The following SPEG variants were observed in gnomAD, a reference collection of about 807,000 sequenced individuals.
The protein encoded by SPEG is striated muscle preferentially expressed protein kinase.
A neutral mutation model predicts 300.4 loss-of-function variants in SPEG; 114 were observed. That is an observed-to-expected ratio of 0.38 (90% confidence interval 0.33 to 0.44). The LOEUF is 0.44. SPEG is among the 20% of genes least tolerant of loss of function. SPEG has a pLI of 1.00. For missense variants in SPEG, 4,201 were observed against 4,586.2 expected (o/e 0.92, Z 2.43); for synonymous variants, 1,964 against 2,018.9 (o/e 0.97, Z 0.73).
At chr2:219,472,744 A>C in intron 15 of SPEG, 146 bp from the exon 16 acceptor site, 2 of 651,006 alleles carry the variant, frequency 3.1e-6, no homozygotes, top group Non-Finnish European at 5.2e-6. Context: ...GCAAGAGCAG[A>C]TGGGGGGACA....
At position 219,467,415 on chromosome 2, in the gene SPEG, C is replaced by T; in HGVS notation, c.3123C>T (p.Cys1041=). The T allele has an allele frequency of 6.2e-7, 1 of 1,607,616 alleles. No individual in the cohort carries two copies. Among genetic ancestry groups the T allele is most frequent in the East Asian group, 2.2e-5 (1 of 44,788 alleles). ...AGGACGACAGTGGCGTCTACACCTG[C>T]AAGCTCAGCACGGCCAAAGGTAACT... ...VHEDDSGVYT[C]KLSTAKDELT... The change falls in exon 10 of 41, where the codon TGC becomes TGT. Residue 1041 remains cysteine, a synonymous_variant. Coordinates refer to ENST00000312358, the MANE Select transcript of SPEG (RefSeq NM_005876.5).
intron 6 of SPEG, chr2:219,461,612 C>A: frequency 9.6e-7 from 1 of 1,043,548 alleles, no homozygotes; most frequent in Non-Finnish European, 1.3e-6. Context: ...CTCTGCTGCC[C>A]GAACCCTTTG....
chr2:219,468,516 T>A lies in SPEG; in HGVS notation c.3143-62T>A, dbSNP rs1691582238. On this transcript the variant is annotated intron_variant, in intron 10 of 40. Transcript: ENST00000312358. ...CTGCTCAGCCTTAGGTCAGGAGTGG[T>A]GGGTTGGGATGCCTGGGCCTCCTTA... 1.9e-6 allele frequency: 3 copies of A among 1,563,536 alleles called. No homozygotes were observed. The East Asian group carries it at 6.7e-5, about 35-fold the overall frequency.
rs752545156 is a variant in SPEG at position 219,448,348 on chromosome 2, G to A, written c.1190G>A (p.Gly397Asp). 7 of 1,588,986 alleles carry A rather than the reference G, an allele frequency of 4.4e-6. No homozygotes were observed. In the South Asian group the frequency reaches 6.8e-5, roughly 15 times the overall value. ...CGATCGCCTAGGCTGGTGCGCGCCG[G>A]CTCCCGCATCCTGGACAAGCTGCAG... is the stretch of plus-strand genomic sequence containing the variant. ...LGRSPRLVRA[G>D]SRILDKLQFF... The change falls in exon 4 of 41, where the codon GGC becomes GAC. Residue 397 changes from glycine to aspartate, a missense_variant. Physicochemically the swap from Gly to Asp is moderately conservative, Grantham distance 94. Transcript: ENST00000312358.
chr2:219,467,113 G>T, intron 9 of SPEG, 61 bp from the exon 10 acceptor site: 1 of 1,504,416 alleles, frequency 6.6e-7, no homozygotes. Flanking sequence ...GCGTATGTGT[G>T]TCTCCCTCAC....
At chr2:219,441,206 AAC>A (rs1426954005) in intron 1 of SPEG, among the ~76,000 whole-genome samples, 1 of 152,174 alleles carries the variant, frequency 6.6e-6, no homozygotes, top group East Asian at 1.9e-4. Flanking sequence ...GATCGGGTGG[AAC>A]ACACAAAATA....
rs1398578505 is a variant in SPEG, at chr2:219,458,877, G to A, written c.2441-3005G>A. ...TCTATATTTTAAATAAGCCCGAGGT[G>A]GTCCTGATGTGAGTAGGTCAAGTAA... On this transcript the variant is annotated intron_variant, in intron 6 of 40. Coordinates refer to ENST00000312358, the MANE Select transcript of SPEG (RefSeq NM_005876.5). The surrounding 1 kb of genome is among the most constrained non-coding windows in gnomAD (Gnocchi z 4.2). Among the ~76,000 whole-genome samples, 1 of 152,198 alleles carries A rather than the reference G, an allele frequency of 6.6e-6. No individual in the cohort carries two copies. Among genetic ancestry groups the A allele is most frequent in the East Asian group, 1.9e-4 (1 of 5,202 alleles).
In SPEG at chr2:219,493,091, G is replaced by A. The variant is rs2125612647; in HGVS notation, c.*305G>A. On this transcript the variant is annotated 3_prime_UTR_variant, in exon 41 of 41. Coordinates refer to ENST00000312358, the MANE Select transcript of SPEG (RefSeq NM_005876.5). ...AAAAGGAATCGAGGGACAGGAAGGG[G>A]GAGGCTCTAGGAAGGTTCTGGGTTG... is the stretch of plus-strand genomic sequence containing the variant. 3 of 622,682 alleles carry A rather than the reference G, an allele frequency of 4.8e-6. No individual in the cohort carries two copies. The highest frequency in any genetic ancestry group is 6.0e-6 in the Non-Finnish European group (2 of 335,506). The allele number at this position is 622,682 out of a possible 1,614,324, so 38.6% of individuals were successfully genotyped here. A position where few individuals can be genotyped will look rare whatever the true frequency, so the allele number is the denominator to read the frequency against.
chr2:219,484,605 C>A lies in SPEG; in HGVS notation c.7142C>A (p.Pro2381Gln), dbSNP rs868323486. 1 of 1,561,604 alleles carries A rather than the reference C, an allele frequency of 6.4e-7. No homozygotes were observed. Among genetic ancestry groups the A allele is most frequent in the East Asian group, 2.4e-5 (1 of 42,066 alleles). ...TACCGGCCCAGCCCGGCGGGGACCC[C>A]GCTGGAGCTGGTGCGACGGCCTGAG... Reference protein sequence around the residue: ...GIYRPSPAGTPLELVRRPERS... With the variant: ...GIYRPSPAGTQLELVRRPERS... Residue 2381 changes from proline (P) to glutamine (Q), a missense_variant, in exon 30 of 41, where the codon CCG (proline) becomes CAG (glutamine). Pro to Gln is a moderately conservative substitution (Grantham distance 76). Around this residue, in one of 4 missense-constraint regions of SPEG, gnomAD observed 1,578 missense variants for 1,506.0 expected, o/e 1.05. Coordinates refer to ENST00000312358, the MANE Select transcript of SPEG (RefSeq NM_005876.5).
At chr2:219,437,952 T>C (rs1288714988) in intron 1 of SPEG, among the ~76,000 whole-genome samples, 5 of 152,162 alleles carry the variant, frequency 3.3e-5, no homozygotes, top group Non-Finnish European at 7.4e-5. Flanking sequence ...CGGAAGGACA[T>C]GCTTTCCTGG....
Position 219,484,547 on chromosome 2 carries a change from C to A in SPEG, c.7084C>A (p.Pro2362Thr). 1 of 1,592,866 alleles carries A rather than the reference C, an allele frequency of 6.3e-7. No homozygotes were observed. The highest frequency in any genetic ancestry group is 1.1e-5 in the South Asian group (1 of 89,666). Residue 2362 changes from proline (P) to threonine (T), a missense_variant, in exon 30 of 41, where the codon CCC becomes ACC. Physicochemically the swap from Pro to Thr is conservative, Grantham distance 38. Coordinates refer to ENST00000312358, the MANE Select transcript of SPEG (RefSeq NM_005876.5). ...CCGTTCGCGCTCGGAGGAGCGCGGC[C>A]CCTTCCGTGGGGCCGAGGAGGAGGA... ...LSRSRSEERG[P>T]FRGAEEEDGI...
rs1689175982 is a variant in SPEG, at chr2:219,445,021, G to A, written c.675G>A (p.Leu225=). The A allele has an allele frequency of 1.2e-6, 2 of 1,609,982 alleles. No homozygotes were observed. Among genetic ancestry groups the A allele is most frequent in the Non-Finnish European group, 8.5e-7 (1 of 1,178,490 alleles). The change falls in exon 3 of 41, where the codon CTG becomes CTA. Residue 225 remains leucine, a synonymous_variant. Coordinates refer to ENST00000312358, the MANE Select transcript of SPEG (RefSeq NM_005876.5). The surrounding 1 kb of genome is among the most constrained non-coding windows in gnomAD (Gnocchi z 6.1). ...CAACCGGGGCCGGGCCACGGCACCT[G>A]GGGGTGGAGCCGCTGGTGCGGGCAT... ...AQATGAGPRH[L]GVEPLVRASR...
At chr2:219,482,952 C>T (rs1023629321) in intron 29 of SPEG, 100 bp downstream of exon 29, 6 of 1,414,228 alleles carry the variant, frequency 4.2e-6, no homozygotes, top group African/African-American at 2.8e-5. Flanking sequence ...CCTGTCTTCT[C>T]GCTTTCACTG....
In SPEG at chr2:219,477,306, T is replaced by C. The variant is rs200342872; in HGVS notation, c.4590T>C (p.His1530=). 1.9e-6 allele frequency: 3 copies of C among 1,612,974 alleles called. No individual in the cohort carries two copies. The highest frequency in any genetic ancestry group is 2.2e-5 in the East Asian group (1 of 44,824). Residue 1530 remains histidine (H), a synonymous_variant, in exon 20 of 41, where the codon CAT becomes CAC. Coordinates refer to ENST00000312358, the MANE Select transcript of SPEG (RefSeq NM_005876.5). The surrounding 1 kb of genome is among the most constrained non-coding windows in gnomAD (Gnocchi z 6.4). ...AGGTGCTGCTGACCGAGAGCAGCCA[T>C]GTGAGCTTCGTGTACGAGGAGAATG... is the stretch of plus-strand genomic sequence containing the variant. ...KDEVLLTESS[H]VSFVYEENEC... is the part of the protein sequence containing the mutation.
chr2:219,465,783 C>T, intron 9 of SPEG: 1 of 570,468 alleles, frequency 1.8e-6, no homozygotes, highest in South Asian at 1.9e-5. Flanking sequence ...AGGGCCCTAG[C>T]CAGGTCTGCG....
chr2:219,477,487 G>A lies in SPEG; in HGVS notation c.4729+42G>A. ...GAGAAAGGTAAAGCGCACACCCCCT[G>A]GAATCTGATGTGACCCTCCATGCTC... On this transcript the variant is annotated intron_variant, in intron 20 of 40. Coordinates refer to ENST00000312358, the MANE Select transcript of SPEG (RefSeq NM_005876.5). This position sits in a 1 kb window ranked among gnomAD's most constrained non-coding sequence, Gnocchi z 6.4. The A allele has an allele frequency of 2.0e-6, 3 of 1,519,514 alleles. No individual in the cohort carries two copies. Among genetic ancestry groups the A allele is most frequent in the Non-Finnish European group, 2.7e-6 (3 of 1,128,868 alleles). 94.1% of individuals were successfully genotyped at this position (1,519,514 alleles called of 1,614,324 possible).
At position 219,448,276 on chromosome 2, in the gene SPEG, C is replaced by G; in HGVS notation, c.1118C>G (p.Pro373Arg). The change falls in exon 4 of 41, where the codon CCC (proline) becomes CGC (arginine). Residue 373 changes from proline (P) to arginine (R), a missense_variant. Coordinates refer to ENST00000312358, the MANE Select transcript of SPEG (RefSeq NM_005876.5). ...CTGGCGGGCACCGCGGAATCCCGAC[C>G]CCAGACGCCACTGAGCGAGGCCTCA... is the stretch of plus-strand genomic sequence containing the variant. ...PSLAGTAESRPQTPLSEASGR... is the reference protein window; with the variant it reads ...PSLAGTAESRRQTPLSEASGR... The G allele has an allele frequency of 6.2e-7, 1 of 1,611,676 alleles. No homozygotes were observed. Among genetic ancestry groups the G allele is most frequent in the South Asian group, 1.1e-5 (1 of 91,026 alleles).
rs376664998 is a variant in SPEG at position 219,480,117 on chromosome 2, C to T, written c.5319C>T (p.Pro1773=). The T allele has an allele frequency of 5.0e-5, 81 of 1,613,880 alleles. No individual in the cohort carries two copies. The highest frequency in any genetic ancestry group is 1.6e-4 in the Middle Eastern group (1 of 6,062). ...CACCCGAGATTGTCAATCAGAGCCCCGTGTCTGGAGTCACTGACATCTGGT... is the reference window on the plus strand; with the variant it reads ...CACCCGAGATTGTCAATCAGAGCCCTGTGTCTGGAGTCACTGACATCTGGT... ...FVAPEIVNQS[P]VSGVTDIWPV... is the part of the protein sequence containing the mutation. Residue 1773 remains proline, a synonymous_variant, in exon 25 of 41, where the codon CCC becomes CCT. Transcript: ENST00000312358. The surrounding 1 kb of genome is among the most constrained non-coding windows in gnomAD (Gnocchi z 5.3).
chr2:219,488,693 G>A (rs761581460), intron 33 of SPEG, 28 bp downstream of exon 33: 31 of 1,604,404 alleles, frequency 1.9e-5, no homozygotes, highest in South Asian at 5.5e-5. Context: ...CCCCAGGGGG[G>A]TAGTGATGGG....
Sources: allele counts gnomAD v4.1 joint callset (sites outside exome capture counted in the v4.1 genomes callset), GRCh38; gene constraint gnomAD v4.1.1; regional missense constraint gnomAD v4.1.1; non-coding constraint Gnocchi (gnomAD v3.1); transcripts MANE v1.5; gene names NCBI Gene and HGNC (gene_info 2026-07-23, HGNC 2026-07-21).